PIDD1: variants seen among roughly 807,000 people sequenced by gnomAD.
PIDD1 encodes p53-induced death domain protein 1.
In PIDD1, 72 loss-of-function variants were observed where a neutral mutation model predicts 80.0. That is an observed-to-expected ratio of 0.90 (90% CI 0.74 to 1.09). The LOEUF (loss-of-function observed/expected upper bound fraction) is 1.09, where lower values mean the gene tolerates loss of function less well. Among genes scored for constraint, PIDD1 ranks in the 50% least tolerant of loss-of-function variants. PIDD1 has a pLI of 0.00. For missense variants in PIDD1, 1,329 were observed against 1,228.3 expected, an observed-to-expected ratio of 1.08 and a Z score of -1.23; for synonymous variants, 655 against 543.5, an observed-to-expected ratio of 1.21 and a Z score of -2.85.
intron 14 of PIDD1, 53 bp from the exon 15 acceptor site, chr11:800,067 A>T (rs1432074104): frequency 1.9e-6 from 3 of 1,603,886 alleles, no homozygotes; most frequent in African/African-American, 2.7e-5. Context: ...CAACTCCACC[A>T]TGTCACCCTG....
chr11:808,682 T>C (rs1006307390), upstream of PIDD1, among the ~76,000 whole-genome samples: 4 of 152,184 alleles, frequency 2.6e-5, no homozygotes, highest in African/African-American at 9.7e-5. Context: ...GGCGACAGAA[T>C]GGGGCCCAGT....
At chr11:805,806 G>A, upstream of PIDD1, 1 of 494,140 alleles carries the variant, frequency 2.0e-6, no homozygotes. Flanking sequence ...GAGGCGTTAA[G>A]AGATAAAATA....
intron 4 of PIDD1, 27 bp downstream of exon 4, chr11:802,655 G>A: frequency 1.2e-6 from 2 of 1,607,218 alleles, no homozygotes; most frequent in Non-Finnish European, 8.5e-7. Flanking sequence ...CCTATCCCAG[G>A]TCTGCCCCTT....
Position 803,156 on chromosome 11 carries a change from G to A in PIDD1, c.709+18C>T. Reference sequence around the variant, plus strand: ...CCCTCCCGTGGGGCCAGTGTGTCGGGGCGCAGGGGCTACTCACCCAGAGAG... The same window carrying A: ...CCCTCCCGTGGGGCCAGTGTGTCGGAGCGCAGGGGCTACTCACCCAGAGAG... On this transcript the variant is annotated intron_variant, in intron 3 of 15. Coordinates refer to ENST00000347755, the MANE Select transcript of PIDD1 (RefSeq NM_145886.4). The A allele has an allele frequency of 6.4e-7, 1 of 1,553,876 alleles. No homozygotes were observed. The highest frequency in any genetic ancestry group is 8.8e-7 in the Non-Finnish European group (1 of 1,141,098).
chr11:805,800 C>T, upstream of PIDD1: 5 of 522,044 alleles, frequency 9.6e-6, no homozygotes, highest in Non-Finnish European at 9.8e-6. Flanking sequence ...GAGAAGGAGG[C>T]GTTAAGAGAT....
At chr11:806,879 G>A (rs1018440616), upstream of PIDD1, among the ~76,000 whole-genome samples, 12 of 151,968 alleles carry the variant, frequency 7.9e-5, no homozygotes, top group African/African-American at 7.2e-5. Context: ...CACCGCACCC[G>A]GCCAAGAGAT....
In PIDD1 at chr11:800,208, G is replaced by GCACC; in HGVS notation, c.2193_2196dup (p.Pro733GlyfsTer6). On this transcript the variant is annotated frameshift_variant, in exon 14 of 16. Coordinates refer to ENST00000347755, the MANE Select transcript of PIDD1 (RefSeq NM_145886.4). LOFTEE classifies it high-confidence loss of function. Reference sequence around the variant, plus strand: ...TGCCGGGCAGCCTCAGCCTCCTCGGGCACCCGCACAGGCACCGCGCCACGG... The same window carrying GCACC: ...TGCCGGGCAGCCTCAGCCTCCTCGGGCACCCACCCGCACAGGCACCGCGCCACGG... The GCACC allele has an allele frequency of 6.2e-7, 1 of 1,610,440 alleles. No homozygotes were observed. Among genetic ancestry groups the GCACC allele is most frequent in the Non-Finnish European group, 8.5e-7 (1 of 1,179,076 alleles).
intron 6 of PIDD1, 37 bp downstream of exon 6, chr11:802,158 T>G: frequency 2.6e-6 from 4 of 1,566,438 alleles, no homozygotes; most frequent in Non-Finnish European, 3.5e-6. Context: ...TGCCATGCCC[T>G]GGCCCACACA....
At chr11:800,041 C>T in intron 14 of PIDD1, 27 bp from the exon 15 acceptor site, 1 of 1,610,164 alleles carries the variant, frequency 6.2e-7, no homozygotes, top group Non-Finnish European at 8.5e-7. Flanking sequence ...GTGCATTAAG[C>T]CCTGGGCTCC....
At chr11:802,956 G>A (rs962874753) in intron 3 of PIDD1, 65 bp from the exon 4 acceptor site, 14 of 1,372,360 alleles carry the variant, frequency 1.0e-5, no homozygotes, top group Non-Finnish European at 1.4e-5. Flanking sequence ...CACTCCTGCT[G>A]CCGCCTCCCA....
upstream of PIDD1, among the ~76,000 whole-genome samples, chr11:807,238 T>G (rs1345498013): frequency 6.8e-6 from 1 of 147,730 alleles, no homozygotes; most frequent in Non-Finnish European, 1.5e-5. Flanking sequence ...CATCTGTAAT[T>G]CCAGCACTTT....
At chr11:804,603 A>T in intron 1 of PIDD1, 140 bp from the exon 2 acceptor site, 2 of 809,326 alleles carry the variant, frequency 2.5e-6, no homozygotes, top group Non-Finnish European at 3.6e-6. Flanking sequence ...CCTTGTGGTC[A>T]CCCTGAACCC....
Position 800,256 on chromosome 11 carries a change from T to C in PIDD1, c.2161-12A>G. 6.2e-7 allele frequency: 1 copy of C among 1,611,232 alleles called. No homozygotes were observed. Among genetic ancestry groups the C allele is most frequent in the Non-Finnish European group, 8.5e-7 (1 of 1,179,260 alleles). ...CGGTAGAAGGACACCTGAAGGGGCA[T>C]CGAATGGGGTTCGGAGTTCGGTCCT... On this transcript the variant is annotated splice_polypyrimidine_tract_variant and intron_variant, in intron 13 of 15. Coordinates refer to ENST00000347755, the MANE Select transcript of PIDD1 (RefSeq NM_145886.4).
In PIDD1 at chr11:802,296, G is replaced by A. The variant is rs750179178; in HGVS notation, c.1075C>T (p.Arg359Trp). 43 of 1,612,080 alleles carry A rather than the reference G, an allele frequency of 2.7e-5. No individual in the cohort carries two copies. The highest frequency in any genetic ancestry group is 2.6e-4 in the South Asian group (24 of 91,064). Residue 359 changes from arginine (R) to tryptophan (W), a missense_variant, in exon 6 of 16, where the codon CGG (arginine) becomes TGG (tryptophan). Coordinates refer to ENST00000347755, the MANE Select transcript of PIDD1 (RefSeq NM_145886.4). ...AGGCCTGGCTCCGGCAGCAGCAGCC[G>A]ATAGCGGATGGTGATGGGGGTGGCG... is the stretch of plus-strand genomic sequence containing the variant. ...ATATPITIRY[R>W]LLLPEPGLVP... is the part of the protein sequence containing the mutation.
upstream of PIDD1, among the ~76,000 whole-genome samples, chr11:808,556 C>G (rs6597980): frequency 3.0e-3 from 452 of 152,084 alleles, 3 homozygotes; most frequent in Middle Eastern, 0.014. Flanking sequence ...AAATTTTAGC[C>G]GGGTGTGGTG....
intron 2 of PIDD1, chr11:803,881 G>C (rs1247612542): frequency 1.5e-6 from 1 of 650,078 alleles, no homozygotes; most frequent in Non-Finnish European, 2.6e-6. Flanking sequence ...CAGGGTCCAG[G>C]AGCCAGGGCC....
upstream of PIDD1, chr11:805,325 G>A: frequency 1.6e-6 from 1 of 642,544 alleles, no homozygotes. Flanking sequence ...CGCCGGGCTG[G>A]GGTCCACGGG....
Position 802,664 on chromosome 11 carries a change from T to C in PIDD1, c.919+18A>G. 1.9e-6 allele frequency: 3 copies of C among 1,608,046 alleles called. No homozygotes were observed. The highest frequency in any genetic ancestry group is 2.5e-6 in the Non-Finnish European group (3 of 1,176,842). On this transcript the variant is annotated intron_variant, in intron 4 of 15. Coordinates refer to ENST00000347755, the MANE Select transcript of PIDD1 (RefSeq NM_145886.4). ...TCATGTCCTATCCCAGGTCTGCCCC[T>C]TCTAGCACCAAGCCTACCTGGTGAA...
Position 804,271 on chromosome 11 carries a change from A to T in PIDD1, c.118T>A (p.Leu40Met), listed in dbSNP as rs1316368325. 1.2e-6 allele frequency: 2 copies of T among 1,612,880 alleles called. No homozygotes were observed. Among genetic ancestry groups the T allele is most frequent in the Non-Finnish European group, 1.7e-6 (2 of 1,179,988 alleles). ...TGGCAGCCCCCGGGGTACAGGTCCA[A>T]GCTCAGCCGGTTGCCGCCCAGGAAA... ...LPFLGGNRLS[L>M]DLYPGGCQQL... Residue 40 changes from leucine to methionine, a missense_variant, in exon 2 of 16, where the codon TTG becomes ATG. Leu to Met is a conservative substitution (Grantham distance 15, BLOSUM62 2). Coordinates refer to ENST00000347755, the MANE Select transcript of PIDD1 (RefSeq NM_145886.4).
Sources: allele counts gnomAD v4.1 joint callset (sites outside exome capture counted in the v4.1 genomes callset), GRCh38; gene constraint gnomAD v4.1.1; transcripts MANE v1.5; gene names NCBI Gene and HGNC (gene_info 2026-07-23, HGNC 2026-07-21).